Variants in USO1 observed in about 807,000 individuals in gnomAD.
The protein encoded by USO1 is USO1 vesicle transport factor.
Under a neutral mutation model 124.5 loss-of-function variants are expected in USO1, and 57 were observed. The ratio of observed to expected loss-of-function variants is 0.46; its 90% confidence interval spans 0.37 to 0.57. USO1 has a LOEUF of 0.57. Among genes scored for constraint, USO1 ranks in the 20% least tolerant of loss-of-function variants. The pLI is 0.00. For synonymous variants in USO1, 369 were observed against 362.8 expected (o/e 1.02, Z -0.19); for missense variants, 900 against 1,040.6 (o/e 0.86, Z 1.86).
intron 4 of USO1, among the ~76,000 whole-genome samples, chr4:75,768,613 A>C (rs1353133300): frequency 2.0e-5 from 3 of 152,154 alleles, no homozygotes; most frequent in Admixed American, 1.3e-4. Flanking sequence ...TCTAATCTGT[A>C]TTCCTTTTCT....
At chr4:75,769,896 A>G (rs1475619789) in intron 4 of USO1, among the ~76,000 whole-genome samples, 3 of 152,286 alleles carry the variant, frequency 2.0e-5, no homozygotes, top group African/African-American at 4.8e-5. Flanking sequence ...TAGGATATGT[A>G]TATGAAAAAG....
chr4:75,760,153 A>G (rs1049435180), intron 4 of USO1, among the ~76,000 whole-genome samples: 3 of 152,112 alleles, frequency 2.0e-5, no homozygotes, highest in Admixed American at 2.0e-4. Flanking sequence ...CGGAGGTTGC[A>G]GTGAGCGGAG....
At chr4:75,783,025 C>T (rs1355330486) in intron 9 of USO1, among the ~76,000 whole-genome samples, 167 bp downstream of exon 9, 1 of 152,128 alleles carries the variant, frequency 6.6e-6, no homozygotes, top group African/African-American at 2.4e-5. Context: ...AGAGATCTTG[C>T]CTACCCATTA....
chr4:75,773,930 A>G (rs1364523948), intron 7 of USO1, among the ~76,000 whole-genome samples: 1 of 151,856 alleles, frequency 6.6e-6, no homozygotes, highest in Non-Finnish European at 1.5e-5. Flanking sequence ...TTCGTAAAAT[A>G]TTTGTTGTCT....
At chr4:75,738,344 C>T (rs929583778) in intron 1 of USO1, among the ~76,000 whole-genome samples, 34 of 151,804 alleles carry the variant, frequency 2.2e-4, no homozygotes, top group African/African-American at 8.0e-4. Context: ...GTAAGCCTAG[C>T]TGCTTGGGAG....
intron 4 of USO1, among the ~76,000 whole-genome samples, chr4:75,759,979 A>G (rs1721557948): frequency 1.3e-5 from 2 of 151,974 alleles, no homozygotes; most frequent in African/African-American, 4.8e-5. Flanking sequence ...TGGGAGGCCA[A>G]GGTGGGTGGA....
rs756156380 is a variant in USO1 at position 75,793,749 on chromosome 4, T to C, written c.1300T>C (p.Ser434Pro). 5.0e-6 allele frequency: 8 copies of C among 1,613,476 alleles called. No homozygotes were observed. The East Asian group carries it at 1.1e-4, about 23-fold the overall frequency. Residue 434 changes from serine to proline, a missense_variant, in exon 13 of 24, where the codon TCA becomes CCA. Ser to Pro is a moderately conservative substitution (Grantham distance 74). Coordinates refer to ENST00000514213, the MANE Select transcript of USO1 (RefSeq NM_003715.4). ...LLCGGLFSTDSLSNWCAAVAL... is the reference protein window; with the variant it reads ...LLCGGLFSTDPLSNWCAAVAL... Reference sequence around the variant, plus strand: ...ATGTGGAGGTTTGTTTTCTACTGATTCACTTTCAAACTGGTGTGCTGCTGT... The same window carrying C: ...ATGTGGAGGTTTGTTTTCTACTGATCCACTTTCAAACTGGTGTGCTGCTGT...
At chr4:75,755,558 T>TA in intron 3 of USO1, 2 of 510,350 alleles carry the variant, frequency 3.9e-6, no homozygotes, top group South Asian at 2.9e-5. Context: ...ATATTTCAGT[T>TA]ATGCCCAGCT....
rs533041107 is a variant in USO1 at position 75,796,341 on chromosome 4, C to CTTTTTTTTTTTT, written c.1452+2441_1452+2452dup. On this transcript the variant is annotated intron_variant, in intron 13 of 23. Coordinates refer to ENST00000514213, the MANE Select transcript of USO1 (RefSeq NM_003715.4). ...TAATCCCAGAAAGTTCCATCATGCT[C>CTTTTTTTTTTTT]TTTTTTTTTTTTGAGACGGAGTCTC... 1.3e-4 allele frequency among the ~76,000 whole-genome samples: 13 copies of CTTTTTTTTTTTT among 102,060 alleles called. 1 individual carries two copies. Among genetic ancestry groups the CTTTTTTTTTTTT allele is most frequent in the East Asian group, 3.8e-4 (1 of 2,606 alleles). The allele number at this position is 102,060 out of a possible 152,430, so 67.0% of individuals were successfully genotyped here.
Position 75,805,230 on chromosome 4 carries a change from T to G in USO1, c.2216T>G (p.Ile739Arg). Residue 739 changes from isoleucine to arginine, a missense_variant, in exon 19 of 24, where the codon ATA becomes AGA. Coordinates refer to ENST00000514213, the MANE Select transcript of USO1 (RefSeq NM_003715.4). The part of the protein sequence containing the change: ...PEEIGRLREE[I>R]EELKRNQELL... ...GAAATTGGTAGATTGCGAGAAGAGA[T>G]AGAAGAATTAAAACGTAATCAGGAA... The G allele has an allele frequency of 1.9e-6, 3 of 1,613,040 alleles. No individual in the cohort carries two copies. Among genetic ancestry groups the G allele is most frequent in the Middle Eastern group, 3.3e-4 (2 of 6,060 alleles).
At chr4:75,796,532 C>T (rs1370584796) in intron 13 of USO1, among the ~76,000 whole-genome samples, 1 of 151,780 alleles carries the variant, frequency 6.6e-6, no homozygotes, top group Non-Finnish European at 1.5e-5. Flanking sequence ...GACAGGGTTT[C>T]ATCATGTTGG....
Position 75,788,035 on chromosome 4 carries a change from A to G in USO1, c.996+833A>G, listed in dbSNP as rs796689250. Reference sequence around the variant, plus strand: ...GCAGACCCTCCATTCTCCTACTCCAATCTGTGCTCTAATTCTTCCCCATGT... The same window carrying G: ...GCAGACCCTCCATTCTCCTACTCCAGTCTGTGCTCTAATTCTTCCCCATGT... On this transcript the variant is annotated intron_variant, in intron 10 of 23. Transcript: ENST00000514213. Among the ~76,000 whole-genome samples the G allele has an allele frequency of 9.9e-5, 15 of 151,658 alleles. 1 individual carries two copies. Among genetic ancestry groups the G allele is most frequent in the African/African-American group, 2.9e-4 (12 of 41,374 alleles).
chr4:75,770,570 C>A, intron 5 of USO1, 31 bp downstream of exon 5: 1 of 1,534,014 alleles, frequency 6.5e-7, no homozygotes, highest in Non-Finnish European at 8.8e-7. Context: ...TTTTTGTCAT[C>A]TTAATAAGCT....
At chr4:75,746,622 T>C (rs1048527651) in intron 1 of USO1, among the ~76,000 whole-genome samples, 11 of 152,226 alleles carry the variant, frequency 7.2e-5, no homozygotes, top group Admixed American at 4.6e-4. Flanking sequence ...TTCCTTTCAT[T>C]TGGCTTCAGT....
intron 17 of USO1, among the ~76,000 whole-genome samples, chr4:75,801,755 T>C (rs1722857221): frequency 6.6e-6 from 1 of 152,186 alleles, no homozygotes; most frequent in South Asian, 2.1e-4. Flanking sequence ...AAAGCATAGA[T>C]AGAACCCTTT....
chr4:75,781,157 C>A, intron 8 of USO1, among the ~76,000 whole-genome samples: 1 of 151,946 alleles, frequency 6.6e-6, no homozygotes, highest in Non-Finnish European at 1.5e-5. Context: ...ATTCCGGCAA[C>A]CCTCATGGAT....
chr4:75,799,092 T>C (rs1722769028), intron 13 of USO1, among the ~76,000 whole-genome samples: 1 of 152,218 alleles, frequency 6.6e-6, no homozygotes, highest in South Asian at 2.1e-4. Flanking sequence ...ATTTGTAGTA[T>C]GGTTTATTTA....
intron 13 of USO1, among the ~76,000 whole-genome samples, chr4:75,797,445 A>G (rs1722717306): frequency 7.1e-6 from 1 of 141,412 alleles, no homozygotes; most frequent in Non-Finnish European, 1.5e-5. Context: ...CTGTCTCTTG[A>G]TTCCTGCTTG....
intron 1 of USO1, among the ~76,000 whole-genome samples, chr4:75,731,404 A>G (rs769663808): frequency 1.0e-3 from 156 of 152,256 alleles, no homozygotes; most frequent in African/African-American, 3.6e-3. Context: ...TCTGCTAAAA[A>G]TACAAAAATT....
Sources: gnomAD v4.1 joint callset for allele counts (sites outside exome capture counted in the v4.1 genomes callset) on GRCh38, gnomAD v4.1.1 for gene constraint, MANE v1.5 for transcripts, NCBI Gene and HGNC (gene_info 2026-07-23, HGNC 2026-07-21) for gene names.